The following MYO18B variants were observed in gnomAD, a reference collection of about 807,000 sequenced individuals.
MYO18B encodes unconventional myosin-XVIIIb.
A neutral mutation model predicts 273.0 loss-of-function variants in MYO18B; 204 were observed. The observed-to-expected ratio is 0.75, with a 90% confidence interval of 0.67 to 0.84. The LOEUF (loss-of-function observed/expected upper bound fraction) is 0.84, where lower values mean the gene tolerates loss of function less well. MYO18B is among the 40% of genes least tolerant of loss of function. MYO18B has a pLI of 0.00. For synonymous variants in MYO18B, 1,330 were observed against 1,305.7 expected, an observed-to-expected ratio of 1.02 and a Z score of -0.40; for missense variants, 3,212 against 3,287.6, an observed-to-expected ratio of 0.98 and a Z score of 0.56.
Position 25,768,827 on chromosome 22 carries a change from G to A in MYO18B, c.911G>A (p.Ser304Asn). 2 of 1,611,666 alleles carry A rather than the reference G, an allele frequency of 1.2e-6. No individual in the cohort carries two copies. Among genetic ancestry groups the A allele is most frequent in the Non-Finnish European group, 1.7e-6 (2 of 1,178,904 alleles). The part of the protein sequence containing the change: ...EKGNVSKDVG[S>N]EGKHVRPQIP... Reference sequence around the variant, plus strand: ...GGGAATGTCTCTAAGGACGTAGGGAGTGAAGGGAAGCACGTAAGGCCCCAA... The same window carrying A: ...GGGAATGTCTCTAAGGACGTAGGGAATGAAGGGAAGCACGTAAGGCCCCAA... The change falls in exon 4 of 44, where the codon AGT (serine) becomes AAT (asparagine). Residue 304 changes from serine to asparagine, a missense_variant. Transcript: ENST00000335473.
intron 3 of MYO18B, among the ~76,000 whole-genome samples, chr22:25,766,024 C>T (rs1213949775): frequency 6.6e-6 from 1 of 152,096 alleles, no homozygotes; most frequent in African/African-American, 2.4e-5. Context: ...CGTAATCACC[C>T]GGGCAGTCAC....
chr22:25,948,551 T>TTCCTTCCTTCCTTCCTTCCTTC (rs1569225860), intron 36 of MYO18B, among the ~76,000 whole-genome samples: 19 of 18,220 alleles, frequency 1.0e-3, no homozygotes, highest in Non-Finnish European at 2.9e-3. Flanking sequence ...TTCCTTCCTT[T>TTCCTTCCTTCCTTCCTTCCTTC]CTCTTTCTCT....
intron 11 of MYO18B, among the ~76,000 whole-genome samples, chr22:25,796,223 T>A (rs1358258681): frequency 9.6e-5 from 1 of 10,418 alleles, no homozygotes; most frequent in Admixed American, 1.7e-3. Context: ...ATTGGAATCA[T>A]AAATCTTAAA....
intron 12 of MYO18B, among the ~76,000 whole-genome samples, chr22:25,804,296 G>A (rs888128437): frequency 6.6e-6 from 1 of 152,154 alleles, no homozygotes; most frequent in Admixed American, 6.5e-5. Flanking sequence ...AGGTTGCTCA[G>A]AGGCAAGCTA....
intron 39 of MYO18B, among the ~76,000 whole-genome samples, chr22:25,981,684 G>A (rs1601747259): frequency 6.6e-6 from 1 of 152,202 alleles, no homozygotes; most frequent in African/African-American, 2.4e-5. Flanking sequence ...GTTTGTGGCT[G>A]CAGTGAGCCA....
chr22:26,035,172 TC>T (rs1936755383), downstream of MYO18B, among the ~76,000 whole-genome samples: 1 of 151,964 alleles, frequency 6.6e-6, no homozygotes, highest in Non-Finnish European at 1.5e-5. Context: ...GGGAAGAAAA[TC>T]TTTATTATGG....
rs746044037 is a variant in MYO18B at position 25,835,411 on chromosome 22, C to T, written c.3176C>T (p.Ala1059Val). 6.2e-7 allele frequency: 1 copy of T among 1,613,932 alleles called. No homozygotes were observed. The change falls in exon 17 of 44, where the codon GCT becomes GTT. Residue 1059 changes from alanine (A) to valine (V), a missense_variant. Physicochemically the swap from Ala to Val is moderately conservative, Grantham distance 64. Transcript: ENST00000335473. Reference sequence around the variant, plus strand: ...AGTGTGGTGCTCGAGCGTCTGTGTGCTGCTTTCGAGAAGAAAGGAGCTGGG... The same window carrying T: ...AGTGTGGTGCTCGAGCGTCTGTGTGTTGCTTTCGAGAAGAAAGGAGCTGGG... Reference protein sequence around the residue: ...SDSVVLERLCAAFEKKGAGTE... With the variant: ...SDSVVLERLCVAFEKKGAGTE...
At position 25,770,052 on chromosome 22, in the gene MYO18B, G is replaced by A. The variant is rs771747133; in HGVS notation, c.1513-58G>A. Reference sequence around the variant, plus strand: ...ACACTGTGAGAAACCCCCGTGTAAGGTAGAAGATGGGCAGCGGTGCCATTT... The same window carrying A: ...ACACTGTGAGAAACCCCCGTGTAAGATAGAAGATGGGCAGCGGTGCCATTT... On this transcript the variant is annotated intron_variant, in intron 4 of 43. Coordinates refer to ENST00000335473, the MANE Select transcript of MYO18B (RefSeq NM_032608.7). 3 of 1,563,988 alleles carry A rather than the reference G, an allele frequency of 1.9e-6. No homozygotes were observed. The African/African-American group carries it at 4.1e-5, about 21-fold the overall frequency.
At chr22:25,953,034 T>C (rs2092810462) in intron 38 of MYO18B, among the ~76,000 whole-genome samples, 1 of 152,208 alleles carries the variant, frequency 6.6e-6, no homozygotes, top group Admixed American at 6.5e-5. Context: ...TTCAAGACTC[T>C]GGAATCAGGA....
At chr22:25,813,891 C>T (rs1019092190) in intron 12 of MYO18B, among the ~76,000 whole-genome samples, 1 of 152,184 alleles carries the variant, frequency 6.6e-6, no homozygotes, top group Admixed American at 6.5e-5. Context: ...ACCCTGCATC[C>T]TCCTCCCTGC....
chr22:25,947,529 CACACACACACA>C (rs2092727860), intron 35 of MYO18B, among the ~76,000 whole-genome samples, 172 bp from the exon 36 acceptor site: 3 of 146,438 alleles, frequency 2.0e-5, no homozygotes, highest in South Asian at 2.1e-4. Context: ...CACACACACA[CACACACACACA>C]CACCAAGCTG....
In MYO18B at chr22:25,785,506, C is replaced by A; in HGVS notation, c.2376+15C>A. The A allele has an allele frequency of 6.2e-7, 1 of 1,610,228 alleles. No individual in the cohort carries two copies. Among genetic ancestry groups the A allele is most frequent in the Non-Finnish European group, 8.5e-7 (1 of 1,178,264 alleles). On this transcript the variant is annotated intron_variant, in intron 11 of 43. Coordinates refer to ENST00000335473, the MANE Select transcript of MYO18B (RefSeq NM_032608.7). ...TGTGGTCCAAGGTAAGGAGGAGGTCCCTCACGGGTGGGATGTGAGTCTGTG... is the reference window on the plus strand; with the variant it reads ...TGTGGTCCAAGGTAAGGAGGAGGTCACTCACGGGTGGGATGTGAGTCTGTG...
rs148186085 is a variant in MYO18B, at chr22:25,965,708, G to A, written c.6156+10344G>A. ...GTTAGCAAAATAATTAGAAAGCAAT[G>A]TGTTTTGAGTACGTATTACCTTTGT... On this transcript the variant is annotated intron_variant, in intron 39 of 43. Transcript: ENST00000335473. 2.9e-3 allele frequency among the ~76,000 whole-genome samples: 436 copies of A among 152,334 alleles called. 1 individual carries two copies. The highest frequency in any genetic ancestry group is 4.7e-3 in the Non-Finnish European group (319 of 68,020).
chr22:26,062,286 T>C, the MYO18B span, among the ~76,000 whole-genome samples: 2 of 152,130 alleles, frequency 1.3e-5, no homozygotes, highest in Non-Finnish European at 2.9e-5. Context: ...TGATTGAGGA[T>C]GGGAAGGTAT....
At chr22:25,760,358 G>T (rs1406030477) in intron 1 of MYO18B, among the ~76,000 whole-genome samples, 1 of 132,282 alleles carries the variant, frequency 7.6e-6, no homozygotes, top group African/African-American at 2.9e-5. Context: ...GTTGCAGTGA[G>T]CTGAGATTAC....
At chr22:25,897,282 A>C (rs1191719959) in intron 28 of MYO18B, 2 of 152,250 alleles carry the variant, frequency 1.3e-5, no homozygotes, top group Non-Finnish European at 2.9e-5. Context: ...AACGTGAGCA[A>C]AAAGTATCAT....
chr22:25,928,083 G>C (rs753341105), intron 34 of MYO18B, among the ~76,000 whole-genome samples: 17 of 152,120 alleles, frequency 1.1e-4, no homozygotes, highest in Non-Finnish European at 1.9e-4. Flanking sequence ...ATTCAGTTCG[G>C]CATGGTATTG....
Position 25,878,013 on chromosome 22 carries a change from G to A in MYO18B, c.4279G>A (p.Glu1427Lys). The change falls in exon 25 of 44, where the codon GAA (glutamate) becomes AAA (lysine). Residue 1427 changes from glutamate to lysine, a missense_variant. Coordinates refer to ENST00000335473, the MANE Select transcript of MYO18B (RefSeq NM_032608.7). ...KLEKSEKLRNELRQNTDLLES... is the reference protein window; with the variant it reads ...KLEKSEKLRNKLRQNTDLLES... Reference sequence around the variant, plus strand: ...AGAAAAATCAGAGAAGTTGCGGAATGAACTCCGGCAGAACACAGATCTGCT... The same window carrying A: ...AGAAAAATCAGAGAAGTTGCGGAATAAACTCCGGCAGAACACAGATCTGCT... 1 of 1,584,872 alleles carries A rather than the reference G, an allele frequency of 6.3e-7. No individual in the cohort carries two copies. Among genetic ancestry groups the A allele is most frequent in the Non-Finnish European group, 8.6e-7 (1 of 1,165,120 alleles).
At chr22:25,846,338 CT>C in intron 19 of MYO18B, 55 bp downstream of exon 19, 1 of 1,577,470 alleles carries the variant, frequency 6.3e-7, no homozygotes, top group Non-Finnish European at 8.6e-7. Flanking sequence ...CCATCCTCAT[CT>C]CCTCTGGGCT....
Sources: allele counts gnomAD v4.1 joint callset (sites outside exome capture counted in the v4.1 genomes callset), GRCh38; gene constraint gnomAD v4.1.1; transcripts MANE v1.5; gene names NCBI Gene and HGNC (gene_info 2026-07-23, HGNC 2026-07-21).